The following LDLRAD4 variants were observed in gnomAD, a reference collection of about 807,000 sequenced individuals.
The protein encoded by LDLRAD4 is low-density lipoprotein receptor class A domain-containing protein 4.
In LDLRAD4, 5 loss-of-function variants were observed where a neutral mutation model predicts 17.0. The observed-to-expected ratio is 0.29, with a 90% CI of 0.15 to 0.62. The LOEUF is 0.62. Ranked by LOEUF, LDLRAD4 falls within the 20% of genes least tolerant of loss-of-function variation. The probability of loss-of-function intolerance (pLI) is 0.84; values close to 1 mark genes in which losing one functional copy is unlikely to be tolerated. For synonymous variants in LDLRAD4, 168 were observed against 171.8 expected, an observed-to-expected ratio of 0.98 and a Z score of 0.17; for missense variants, 340 against 424.7, an observed-to-expected ratio of 0.80 and a Z score of 1.75.
chr18:13,313,283 G>A (rs1567995703), intron 1 of LDLRAD4, among the ~76,000 whole-genome samples: 1 of 152,190 alleles, frequency 6.6e-6, no homozygotes, highest in African/African-American at 2.4e-5. Context: ...CTTGGATTAG[G>A]ACGCCAGCCT....
chr18:13,226,180 CTT>C (rs71174166), intron 1 of LDLRAD4, among the ~76,000 whole-genome samples: 14 of 52,208 alleles, frequency 2.7e-4, no homozygotes, highest in African/African-American at 9.3e-4. Context: ...CCATGCCTTG[CTT>C]TTTTTTTTTT....
intron 3 of LDLRAD4, among the ~76,000 whole-genome samples, chr18:13,588,152 T>C (rs1391785728): frequency 6.6e-6 from 1 of 152,212 alleles, no homozygotes; most frequent in Non-Finnish European, 1.5e-5. Flanking sequence ...TTTGTGAAAA[T>C]ACTGTGAAAA....
chr18:13,259,478 C>T (rs1273713265), intron 1 of LDLRAD4, among the ~76,000 whole-genome samples: 2 of 152,132 alleles, frequency 1.3e-5, no homozygotes, highest in Non-Finnish European at 2.9e-5. Flanking sequence ...ACCCAGCCCT[C>T]CTAATTTCTG....
Position 13,398,063 on chromosome 18 carries a change from C to T in LDLRAD4, c.40+10301C>T, listed in dbSNP as rs754798516. Among the ~76,000 whole-genome samples, 1 of 152,146 alleles carries T rather than the reference C, an allele frequency of 6.6e-6. No homozygotes were observed. The highest frequency in any genetic ancestry group is 1.5e-5 in the Non-Finnish European group (1 of 68,028). ...AGGCCCGAGAGACCCTCCTTGAGGA[C>T]GCAGTGGCCAGTGGGGGCCACCATG... On this transcript the variant is annotated intron_variant, in intron 2 of 5. Transcript: ENST00000359446. The surrounding 1 kb of genome is among the most constrained non-coding windows in gnomAD (Gnocchi z 4.8).
intron 1 of LDLRAD4, chr18:13,280,202 C>G (rs2045171303): frequency 6.6e-6 from 1 of 152,218 alleles, no homozygotes; most frequent in African/African-American, 2.4e-5. Context: ...AAAACATATG[C>G]CCTTGCCATA....
chr18:13,397,823 T>G (rs974383579), intron 2 of LDLRAD4, among the ~76,000 whole-genome samples: 1 of 152,236 alleles, frequency 6.6e-6, no homozygotes, highest in African/African-American at 2.4e-5. Flanking sequence ...TTTTTTCTTT[T>G]GTGATAAAAT....
chr18:13,322,008 A>G (rs1568005238), intron 1 of LDLRAD4, among the ~76,000 whole-genome samples: 1 of 151,218 alleles, frequency 6.6e-6, no homozygotes. Context: ...TTTTTTTTAC[A>G]AAAAACTAGC....
chr18:13,405,747 C>T (rs965153280), intron 2 of LDLRAD4, among the ~76,000 whole-genome samples: 2 of 151,982 alleles, frequency 1.3e-5, no homozygotes, highest in East Asian at 1.9e-4. Context: ...AGCCCCTATG[C>T]GAGCGTTTTC....
chr18:13,304,599 G>T (rs537845665), intron 1 of LDLRAD4, among the ~76,000 whole-genome samples: 2 of 152,312 alleles, frequency 1.3e-5, no homozygotes, highest in Non-Finnish European at 1.5e-5. Flanking sequence ...ATGAGGCCAG[G>T]CAGCCACTGC....
chr18:13,286,595 C>T (rs866591650), intron 1 of LDLRAD4, among the ~76,000 whole-genome samples: 1 of 152,178 alleles, frequency 6.6e-6, no homozygotes, highest in Admixed American at 6.6e-5. Flanking sequence ...CTGGCCTCGA[C>T]CTCCTGGCGC....
At chr18:13,327,231 C>T (rs1039517191) in intron 1 of LDLRAD4, among the ~76,000 whole-genome samples, 4 of 151,984 alleles carry the variant, frequency 2.6e-5, no homozygotes, top group Admixed American at 6.6e-5. Context: ...CTTTGGTTAG[C>T]GTTTTGTTAA....
chr18:13,228,472 G>A (rs2041917860), intron 1 of LDLRAD4, among the ~76,000 whole-genome samples: 1 of 152,166 alleles, frequency 6.6e-6, no homozygotes, highest in Non-Finnish European at 1.5e-5. Context: ...CTTGCTGTTT[G>A]GCTTGCTCCT....
upstream of LDLRAD4, among the ~76,000 whole-genome samples, chr18:13,277,797 C>T (rs1284043205): frequency 2.6e-5 from 4 of 152,190 alleles, no homozygotes; most frequent in Admixed American, 1.3e-4. Flanking sequence ...TTTGGCCTCT[C>T]ATCAAAGAGG....
intron 1 of LDLRAD4, among the ~76,000 whole-genome samples, chr18:13,319,801 C>G (rs912358875): frequency 6.6e-6 from 1 of 152,148 alleles, no homozygotes. Flanking sequence ...TTGGAAACCC[C>G]GCATGAGATG....
chr18:13,397,690 G>C (rs2086811508), intron 2 of LDLRAD4, among the ~76,000 whole-genome samples: 2 of 152,182 alleles, frequency 1.3e-5, no homozygotes, highest in South Asian at 4.2e-4. Flanking sequence ...GGCACTCACT[G>C]AAAAAGCCAT....
chr18:13,275,104 G>C (rs1011730598), upstream of LDLRAD4, among the ~76,000 whole-genome samples: 1 of 151,950 alleles, frequency 6.6e-6, no homozygotes, highest in Admixed American at 6.6e-5. Flanking sequence ...TTGGCATTTT[G>C]TTTTAGAATT....
At chr18:13,349,660 GA>G (rs2082925241) in intron 1 of LDLRAD4, among the ~76,000 whole-genome samples, 2 of 152,146 alleles carry the variant, frequency 1.3e-5, no homozygotes, top group Admixed American at 1.3e-4. Context: ...TACAAGTGCA[GA>G]ATGTGTAGGT....
intron 1 of LDLRAD4, among the ~76,000 whole-genome samples, chr18:13,222,261 T>C (rs932234219): frequency 6.6e-6 from 1 of 152,206 alleles, no homozygotes; most frequent in Non-Finnish European, 1.5e-5. Flanking sequence ...AGGATCCTGC[T>C]GAGGGATCAT....
At chr18:13,371,396 G>A (rs2084498477) in intron 1 of LDLRAD4, among the ~76,000 whole-genome samples, 1 of 152,200 alleles carries the variant, frequency 6.6e-6, no homozygotes, top group Non-Finnish European at 1.5e-5. Flanking sequence ...CCGCCGCGTT[G>A]CTGTGAACCG....
Sources: allele counts gnomAD v4.1 joint callset (sites outside exome capture counted in the v4.1 genomes callset), GRCh38; gene constraint gnomAD v4.1.1; non-coding constraint Gnocchi (gnomAD v3.1); transcripts MANE v1.5; gene names NCBI Gene and HGNC (gene_info 2026-07-23, HGNC 2026-07-21).